Variants in CPA6 observed in about 807,000 individuals in gnomAD.
CPA6 encodes carboxypeptidase A6, also known as carboxypeptidase B.
Under a neutral mutation model 63.3 loss-of-function variants are expected in CPA6, and 58 were observed. That is an observed-to-expected ratio of 0.92 (90% CI 0.74 to 1.14). The LOEUF (loss-of-function observed/expected upper bound fraction) is 1.14, where lower values mean the gene tolerates loss of function less well. CPA6 is among the 50% of genes most tolerant of loss of function. The pLI is 0.00. For synonymous variants in CPA6, 185 were observed against 179.0 expected, an observed-to-expected ratio of 1.03 and a Z score of -0.27; for missense variants, 565 against 526.6, an observed-to-expected ratio of 1.07 and a Z score of -0.71.
intron 8 of CPA6, among the ~76,000 whole-genome samples, chr8:67,441,439 T>A (rs1217892588): frequency 6.6e-6 from 1 of 152,182 alleles, no homozygotes; most frequent in East Asian, 1.9e-4. Context: ...TTTTGTTCAA[T>A]TCAATTTTGA....
At chr8:67,629,479 C>CA (rs34412333) in intron 1 of CPA6, among the ~76,000 whole-genome samples, 3,042 of 93,890 alleles carry the variant, frequency 0.032, 66 homozygotes, top group Middle Eastern at 0.078. Context: ...GACCCTGTCT[C>CA]AAAAAAAAAA....
At chr8:67,470,456 A>G (rs1352683004) in intron 8 of CPA6, among the ~76,000 whole-genome samples, 4 of 152,170 alleles carry the variant, frequency 2.6e-5, no homozygotes, top group Non-Finnish European at 4.4e-5. Context: ...CCTAATAGAT[A>G]AATGTTACAC....
intron 8 of CPA6, among the ~76,000 whole-genome samples, chr8:67,466,410 A>T (rs1810926784): frequency 1.3e-5 from 2 of 151,982 alleles, no homozygotes; most frequent in South Asian, 4.1e-4. Flanking sequence ...CAAGGAATCA[A>T]TTTTTTGTTT....
intron 2 of CPA6, among the ~76,000 whole-genome samples, chr8:67,531,385 T>C (rs548606380): frequency 6.6e-6 from 1 of 152,118 alleles, no homozygotes; most frequent in East Asian, 1.9e-4. Context: ...CACATAAAAC[T>C]AGAATGGTTG....
chr8:67,725,050 A>G (rs888756800), intron 1 of CPA6, among the ~76,000 whole-genome samples: 2 of 152,238 alleles, frequency 1.3e-5, no homozygotes, highest in African/African-American at 4.8e-5. Flanking sequence ...TACCTGGGCT[A>G]GAGTGGAAAT....
chr8:67,470,377 C>T (rs1266651469), intron 8 of CPA6, among the ~76,000 whole-genome samples: 1 of 152,022 alleles, frequency 6.6e-6, no homozygotes, highest in Non-Finnish European at 1.5e-5. Context: ...TCTTACGCCC[C>T]GAGAGATATA....
chr8:67,568,609 A>G (rs1369032975), intron 2 of CPA6, among the ~76,000 whole-genome samples: 1 of 152,194 alleles, frequency 6.6e-6, no homozygotes, highest in African/African-American at 2.4e-5. Context: ...AAACTACTTA[A>G]TCAGGGAAGC....
chr8:67,743,965 G>A (rs1587745700), intron 1 of CPA6, among the ~76,000 whole-genome samples: 1 of 152,280 alleles, frequency 6.6e-6, no homozygotes, highest in South Asian at 2.1e-4. Flanking sequence ...ACTTTGGATG[G>A]ATGAAACCAG....
intron 2 of CPA6, among the ~76,000 whole-genome samples, chr8:67,590,899 A>G (rs1814103133): frequency 6.6e-6 from 1 of 151,876 alleles, no homozygotes; most frequent in Admixed American, 6.6e-5. Flanking sequence ...ATTAGATCCC[A>G]TTTGTCAATT....
At chr8:67,455,940 C>T (rs1175516568) in intron 8 of CPA6, among the ~76,000 whole-genome samples, 2 of 152,064 alleles carry the variant, frequency 1.3e-5, no homozygotes, top group African/African-American at 4.8e-5. Context: ...ATCTTGACCT[C>T]CTGGCCTCAG....
intron 1 of CPA6, among the ~76,000 whole-genome samples, chr8:67,682,366 C>T (rs1816616929): frequency 6.6e-6 from 1 of 152,122 alleles, no homozygotes; most frequent in Admixed American, 6.5e-5. Context: ...GTAATTATCT[C>T]TTTAATTTCA....
chr8:67,703,536 G>A (rs890282397), intron 1 of CPA6, among the ~76,000 whole-genome samples: 1 of 152,312 alleles, frequency 6.6e-6, no homozygotes, highest in Admixed American at 6.5e-5. Flanking sequence ...TGCCTTGGGG[G>A]CAAGTCTGCT....
chr8:67,527,891 C>A (rs1489644440), intron 2 of CPA6, among the ~76,000 whole-genome samples: 4 of 152,178 alleles, frequency 2.6e-5, no homozygotes, highest in Non-Finnish European at 5.9e-5. Context: ...AGTGAAGAAT[C>A]CCCAGGGTAG....
intron 8 of CPA6, among the ~76,000 whole-genome samples, chr8:67,451,005 C>T (rs1810545916): frequency 6.6e-6 from 1 of 152,182 alleles, no homozygotes; most frequent in African/African-American, 2.4e-5. Flanking sequence ...AGAGGGTGAG[C>T]TCCTTGAGGA....
intron 1 of CPA6, among the ~76,000 whole-genome samples, chr8:67,719,863 G>C (rs1817457938): frequency 6.6e-6 from 1 of 152,102 alleles, no homozygotes; most frequent in African/African-American, 2.4e-5. Flanking sequence ...GATTGTATGT[G>C]GAATAAAATG....
At chr8:67,726,740 T>C (rs944748998) in intron 1 of CPA6, among the ~76,000 whole-genome samples, 1 of 152,248 alleles carries the variant, frequency 6.6e-6, no homozygotes, top group Non-Finnish European at 1.5e-5. Flanking sequence ...GTTCTGGCAT[T>C]ATTCTAAGCC....
intron 8 of CPA6, among the ~76,000 whole-genome samples, chr8:67,449,767 C>T (rs1810512879): frequency 6.6e-6 from 1 of 151,732 alleles, no homozygotes; most frequent in African/African-American, 2.4e-5. Flanking sequence ...CCACCTCCAC[C>T]TCCATCAAAT....
chr8:67,662,596 G>T (rs942985680), intron 1 of CPA6, among the ~76,000 whole-genome samples: 2 of 139,432 alleles, frequency 1.4e-5, no homozygotes, highest in Non-Finnish European at 3.1e-5. Flanking sequence ...TGTATATATA[G>T]AATACATACA....
chr8:67,514,417 A>C (rs1034234983), intron 3 of CPA6, among the ~76,000 whole-genome samples: 2 of 152,196 alleles, frequency 1.3e-5, no homozygotes, highest in Non-Finnish European at 2.9e-5. Flanking sequence ...CACTATAGCT[A>C]TACATTATGT....
Sources: gnomAD v4.1 joint callset for allele counts (sites outside exome capture counted in the v4.1 genomes callset) on GRCh38, gnomAD v4.1.1 for gene constraint, MANE v1.5 for transcripts, NCBI Gene and HGNC (gene_info 2026-07-23, HGNC 2026-07-21) for gene names.